The following TMIGD3 variants were observed in gnomAD, a reference collection of about 807,000 sequenced individuals.
The protein encoded by TMIGD3 is AD026 protein (AD026).
Under a neutral mutation model 28.1 loss-of-function variants are expected in TMIGD3, and 21 were observed. That is an observed-to-expected ratio of 0.75 (90% CI 0.53 to 1.08). The LOEUF (loss-of-function observed/expected upper bound fraction) is 1.08. TMIGD3 is among the 50% of genes least tolerant of loss of function. The pLI is 0.00. For missense variants in TMIGD3, 416 were observed against 435.6 expected (o/e 0.96, Z 0.40); for synonymous variants, 151 against 162.1 (o/e 0.93, Z 0.52).
chr1:111,555,580 A>T (rs965967775), intron 1 of TMIGD3, among the ~76,000 whole-genome samples: 5 of 152,190 alleles, frequency 3.3e-5, no homozygotes, highest in Admixed American at 1.3e-4. Flanking sequence ...ACTACAAAAT[A>T]TTAAGAAACA....
intron 1 of TMIGD3, among the ~76,000 whole-genome samples, chr1:111,514,634 C>T (rs1293984225): frequency 1.1e-5 from 1 of 94,154 alleles, no homozygotes; most frequent in African/African-American, 3.5e-5. Context: ...AGTGTGCATA[C>T]AGTATGGGAA....
rs905172409 is a variant in TMIGD3, at chr1:111,518,084, A to G, written c.108-27322T>C. On this transcript the variant is annotated intron_variant, in intron 1 of 5. Coordinates refer to the TMIGD3 transcript ENST00000369717. ...AGTTCATGGTAGAGCCAGGATCTGGACCCAAGCAGGCTGGCTCCAGAGGAA... is the reference window on the plus strand; with the variant it reads ...AGTTCATGGTAGAGCCAGGATCTGGGCCCAAGCAGGCTGGCTCCAGAGGAA... Among the ~76,000 whole-genome samples the G allele has an allele frequency of 5.3e-5, 8 of 152,314 alleles. No individual in the cohort carries two copies. The East Asian group carries it at 1.2e-3, about 22-fold the overall frequency.
intron 1 of TMIGD3, chr1:111,500,064 G>C (rs762713981): frequency 6.2e-7 from 1 of 1,614,242 alleles, no homozygotes; most frequent in Non-Finnish European, 8.5e-7. Flanking sequence ...TATAGGCATA[G>C]ACGATAGGGT....
intron 1 of TMIGD3, among the ~76,000 whole-genome samples, chr1:111,516,114 T>G (rs1475086813): frequency 2.0e-5 from 3 of 152,236 alleles, no homozygotes; most frequent in Non-Finnish European, 4.4e-5. Context: ...TCAGCACCCC[T>G]GTTGGCAGGG....
intron 3 of TMIGD3, among the ~76,000 whole-genome samples, chr1:111,488,095 G>A (rs754891758): frequency 2.0e-5 from 3 of 152,198 alleles, no homozygotes; most frequent in Admixed American, 1.3e-4. Context: ...GTGAGCCACC[G>A]CACCTGGCTA....
intron 1 of TMIGD3, among the ~76,000 whole-genome samples, chr1:111,549,309 C>CTTTTTTTTTTTTTTTTTT (rs767231547): frequency 1.6e-5 from 2 of 125,610 alleles, no homozygotes; most frequent in African/African-American, 2.9e-5. Flanking sequence ...CAGTCATGGG[C>CTTTTTTTTTTTTTTTTTT]TTTTTTTTTT....
intron 3 of TMIGD3, among the ~76,000 whole-genome samples, chr1:111,487,145 C>T (rs139323893): frequency 1.6e-4 from 25 of 152,312 alleles, no homozygotes; most frequent in African/African-American, 4.8e-5. Context: ...ACCTACGATA[C>T]CCCCTCTGAT....
Position 111,511,342 on chromosome 1 carries a change from C to A in TMIGD3, c.108-20580G>T, listed in dbSNP as rs555639158. The stretch of plus-strand genomic sequence containing the variant: ...ATATACCTGCCACAGAAGAAACCTG[C>A]AATAAATTCCAGTTGAATGTATTAT... On this transcript the variant is annotated intron_variant, in intron 1 of 5. Coordinates refer to the TMIGD3 transcript ENST00000369717. 9.2e-5 allele frequency among the ~76,000 whole-genome samples: 14 copies of A among 152,298 alleles called. No homozygotes were observed. In the South Asian group the frequency reaches 2.9e-3, roughly 32 times the overall value.
At chr1:111,510,363 G>A (rs1216499719) in intron 1 of TMIGD3, among the ~76,000 whole-genome samples, 2 of 152,090 alleles carry the variant, frequency 1.3e-5, no homozygotes, top group Non-Finnish European at 2.9e-5. Context: ...TATGAAGTAT[G>A]TCTCGGTGTT....
At chr1:111,489,599 G>A in intron 2 of TMIGD3, 1 of 1,130,754 alleles carries the variant, frequency 8.8e-7, no homozygotes, top group Non-Finnish European at 1.1e-6. Flanking sequence ...CCTGGCCTAA[G>A]GGTGGGTGAA....
At chr1:111,486,476 G>A in intron 4 of TMIGD3, 110 bp downstream of exon 4, 1 of 760,142 alleles carries the variant, frequency 1.3e-6, no homozygotes, top group Non-Finnish European at 2.3e-6. Context: ...ATAATGTGCA[G>A]TAGAAAAGTT....
chr1:111,559,149 T>C (rs1657631170), intron 1 of TMIGD3, among the ~76,000 whole-genome samples: 1 of 152,002 alleles, frequency 6.6e-6, no homozygotes, highest in African/African-American at 2.4e-5. Flanking sequence ...ATAATGAAAA[T>C]ACATATCAAA....
intron 1 of TMIGD3, among the ~76,000 whole-genome samples, chr1:111,537,525 A>C (rs896109298): frequency 1.6e-4 from 24 of 152,250 alleles, no homozygotes; most frequent in African/African-American, 5.8e-4. Flanking sequence ...TTTTTAAAGA[A>C]GAAATTTCCC....
chr1:111,521,090 A>G (rs1290426261), intron 1 of TMIGD3, among the ~76,000 whole-genome samples: 1 of 144,692 alleles, frequency 6.9e-6, no homozygotes, highest in African/African-American at 2.6e-5. Context: ...TAACTTTGGC[A>G]TTCATCCATT....
chr1:111,532,050 T>C (rs1312134197), intron 1 of TMIGD3, among the ~76,000 whole-genome samples: 2 of 152,192 alleles, frequency 1.3e-5, no homozygotes, highest in African/African-American at 2.4e-5. Context: ...CTATTAATTA[T>C]GAGGTTTTCA....
intron 1 of TMIGD3, among the ~76,000 whole-genome samples, chr1:111,517,584 C>T (rs1233224906): frequency 3.3e-5 from 5 of 152,342 alleles, no homozygotes; most frequent in African/African-American, 1.2e-4. Flanking sequence ...AACCCCAGCC[C>T]TGCCACTTAG....
upstream of TMIGD3, among the ~76,000 whole-genome samples, chr1:111,506,909 TA>T (rs1261165330): frequency 8.7e-4 from 94 of 107,522 alleles, 1 homozygote; most frequent in Non-Finnish European, 1.2e-3. Flanking sequence ...TATATATATA[TA>T]TATTATATAT....
chr1:111,490,003 T>C (rs1036277102), intron 2 of TMIGD3, among the ~76,000 whole-genome samples: 4 of 152,158 alleles, frequency 2.6e-5, no homozygotes, highest in Non-Finnish European at 5.9e-5. Context: ...AGGCTCAGGT[T>C]CTTTATAACA....
intron 1 of TMIGD3, among the ~76,000 whole-genome samples, chr1:111,525,871 A>G (rs1162893531): frequency 1.3e-5 from 2 of 152,186 alleles, no homozygotes; most frequent in Non-Finnish European, 2.9e-5. Context: ...CTCAAAACAA[A>G]TAAACAAACA....
Sources: allele counts gnomAD v4.1 joint callset (sites outside exome capture counted in the v4.1 genomes callset), GRCh38; gene constraint gnomAD v4.1.1; transcripts MANE v1.5; gene names NCBI Gene and HGNC (gene_info 2026-07-23, HGNC 2026-07-21).